Variants in TECPR2 observed in about 807,000 individuals in gnomAD.
The protein encoded by TECPR2 is tectonin beta-propeller repeat-containing protein 2.
TECPR2 carries 65 observed loss-of-function variants against 138.1 expected under a neutral mutation model. That is an observed-to-expected ratio of 0.47 (90% CI 0.39 to 0.58). TECPR2 has a LOEUF of 0.58. Among genes scored for constraint, TECPR2 ranks in the 20% least tolerant of loss-of-function variants. The pLI is 0.00. For missense variants in TECPR2, 1,553 were observed against 1,824.5 expected, an observed-to-expected ratio of 0.85 and a Z score of 2.71; for synonymous variants, 746 against 749.8, an observed-to-expected ratio of 0.99 and a Z score of 0.08.
In TECPR2 at chr14:102,376,945, G is replaced by A. The variant is rs775262586; in HGVS notation, c.219+5G>A. On this transcript the variant is annotated splice_donor_5th_base_variant and intron_variant, in intron 2 of 19. Transcript: ENST00000359520. ...ATGAGGAAGTACAACTTTGAGGTGA[G>A]CCTTGCTTTGCTTTTCACCTGAGGG... 1.2e-6 allele frequency: 2 copies of A among 1,609,308 alleles called. No homozygotes were observed. The highest frequency in any genetic ancestry group is 1.7e-6 in the Non-Finnish European group (2 of 1,178,262).
intron 2 of TECPR2, among the ~76,000 whole-genome samples, chr14:102,390,794 CAG>C (rs1336425439): frequency 7.5e-6 from 1 of 133,040 alleles, no homozygotes; most frequent in Admixed American, 7.4e-5. Flanking sequence ...CCACGTATAT[CAG>C]GGGAAGAATA....
intron 1 of TECPR2, among the ~76,000 whole-genome samples, chr14:102,364,103 A>G (rs1887276196): frequency 6.6e-6 from 1 of 152,108 alleles, no homozygotes. Flanking sequence ...TTTCTCATCT[A>G]TTGGAGTGAC....
chr14:102,440,311 C>A, intron 10 of TECPR2, 125 bp from the exon 11 acceptor site: 1 of 1,352,710 alleles, frequency 7.4e-7, no homozygotes, highest in Non-Finnish European at 1.0e-6. Flanking sequence ...TCTTTCCCCA[C>A]TTGGGGGGAC....
At chr14:102,453,801 C>T (rs1890211898) in intron 16 of TECPR2, among the ~76,000 whole-genome samples, 1 of 141,840 alleles carries the variant, frequency 7.1e-6, no homozygotes, top group South Asian at 2.2e-4. Context: ...TGTTTGAAAA[C>T]TCAATCACAT....
rs760528160 is a variant in TECPR2 at position 102,434,881 on chromosome 14, G to A, written c.2064G>A (p.Glu688=). Residue 688 remains glutamate (E), a synonymous_variant, in exon 9 of 20, where the codon GAG becomes GAA. Transcript: ENST00000359520. ...AGCAGGACATCCTAACCAGCATGGA[G>A]GCCTCTGGCCACCTCAGCACAAATC... The part of the protein sequence containing the change: ...SQEQDILTSM[E]ASGHLSTNLW... 1.4e-5 allele frequency: 22 copies of A among 1,613,564 alleles called. No homozygotes were observed. The highest frequency in any genetic ancestry group is 1.9e-5 in the Non-Finnish European group (22 of 1,180,046).
chr14:102,452,528 C>G lies in TECPR2; in HGVS notation c.3541C>G (p.Leu1181Val). 3.1e-6 allele frequency: 5 copies of G among 1,612,184 alleles called. No homozygotes were observed. Among genetic ancestry groups the G allele is most frequent in the Non-Finnish European group, 4.2e-6 (5 of 1,179,576 alleles). Residue 1181 changes from leucine to valine, a missense_variant, in exon 16 of 20, where the codon CTG becomes GTG. By Grantham distance (32) the Leu-to-Val change is conservative (BLOSUM62 1). Coordinates refer to ENST00000359520, the MANE Select transcript of TECPR2 (RefSeq NM_014844.5). ...CGCCTATGCCGCCTGCCAGGATGCG[C>G]TGTGGGCGCTGGACAGCCTCGGCCA... ...MRAYAACQDALWALDSLGQVF... is the reference protein window; with the variant it reads ...MRAYAACQDAVWALDSLGQVF...
chr14:102,380,778 A>C (rs1224264855), intron 2 of TECPR2, among the ~76,000 whole-genome samples: 1 of 152,228 alleles, frequency 6.6e-6, no homozygotes, highest in Non-Finnish European at 1.5e-5. Context: ...TCCCGGGTTC[A>C]AGCGATTCTC....
rs1891352502 is a variant in TECPR2, at chr14:102,498,415, C to CT, written c.*159dup. On this transcript the variant is annotated 3_prime_UTR_variant, in exon 20 of 20. Coordinates refer to ENST00000359520, the MANE Select transcript of TECPR2 (RefSeq NM_014844.5). ...TACTTTCATCTATGTTGGTTTCTGT[C>CT]TCGTTCCAGAACCCACAGCCTCCAC... is the stretch of plus-strand genomic sequence containing the variant. 1 of 992,202 alleles carries CT rather than the reference C, an allele frequency of 1.0e-6. No homozygotes were observed. Among genetic ancestry groups the CT allele is most frequent in the Non-Finnish European group, 1.4e-6 (1 of 694,508 alleles). 61.5% of individuals were successfully genotyped at this position (992,202 alleles called of 1,614,324 possible).
intron 2 of TECPR2, among the ~76,000 whole-genome samples, chr14:102,402,601 A>G (rs1161108974): frequency 1.3e-5 from 2 of 152,158 alleles, no homozygotes; most frequent in Non-Finnish European, 2.9e-5. Context: ...CAGTGAAACC[A>G]AAAGTTGAAT....
At chr14:102,482,409 C>A (rs1447197040) in intron 17 of TECPR2, among the ~76,000 whole-genome samples, 3 of 152,194 alleles carry the variant, frequency 2.0e-5, no homozygotes, top group Non-Finnish European at 4.4e-5. Flanking sequence ...AAACTCTCTG[C>A]CAGTTGTCTC....
At chr14:102,384,729 A>G (rs1887946686) in intron 2 of TECPR2, among the ~76,000 whole-genome samples, 1 of 149,964 alleles carries the variant, frequency 6.7e-6, no homozygotes, top group African/African-American at 2.4e-5. Context: ...ATATATACAC[A>G]TATATATGTA....
intron 2 of TECPR2, among the ~76,000 whole-genome samples, chr14:102,381,533 C>A (rs181034692): frequency 1.4e-4 from 22 of 152,332 alleles, no homozygotes; most frequent in Admixed American, 1.2e-3. Context: ...AAGATCGTGC[C>A]AGTGCACTCC....
At chr14:102,434,184 ACT>A (rs1889590203) in intron 8 of TECPR2, 49 bp from the exon 9 acceptor site, 1 of 1,326,406 alleles carries the variant, frequency 7.5e-7, no homozygotes. Flanking sequence ...TTAGTCTCTT[ACT>A]AATCATATAG....
intron 2 of TECPR2, among the ~76,000 whole-genome samples, chr14:102,377,773 C>T (rs1887680028): frequency 6.6e-6 from 1 of 152,194 alleles, no homozygotes. Flanking sequence ...ACTTTGAAAG[C>T]AGATATTTTT....
intron 16 of TECPR2, among the ~76,000 whole-genome samples, chr14:102,458,614 G>A (rs987356208): frequency 5.9e-5 from 9 of 152,034 alleles, no homozygotes; most frequent in African/African-American, 2.2e-4. Flanking sequence ...TCACCATGTT[G>A]GCCAGGCTGG....
intron 17 of TECPR2, among the ~76,000 whole-genome samples, chr14:102,494,641 A>G (rs936400365): frequency 6.6e-6 from 1 of 151,796 alleles, no homozygotes; most frequent in Non-Finnish European, 1.5e-5. Flanking sequence ...CAGCCTCAAC[A>G]TGGAGAAACC....
intron 17 of TECPR2, among the ~76,000 whole-genome samples, chr14:102,476,108 G>A (rs1890752025): frequency 6.7e-6 from 1 of 150,288 alleles, no homozygotes; most frequent in Admixed American, 6.7e-5. Flanking sequence ...TCAGGAGGCT[G>A]AGGCAGGAGA....
intron 17 of TECPR2, among the ~76,000 whole-genome samples, chr14:102,474,004 T>C (rs1336838567): frequency 6.6e-6 from 1 of 152,214 alleles, no homozygotes; most frequent in Non-Finnish European, 1.5e-5. Context: ...ATGCCTATAA[T>C]CCCAGCACTT....
At chr14:102,367,517 G>A (rs188345307) in intron 1 of TECPR2, among the ~76,000 whole-genome samples, 1 of 152,178 alleles carries the variant, frequency 6.6e-6, no homozygotes, top group East Asian at 1.9e-4. Flanking sequence ...ATGGTGTTTT[G>A]TGCCTGGTTG....
Sources: gnomAD v4.1 joint callset for allele counts (sites outside exome capture counted in the v4.1 genomes callset) on GRCh38, gnomAD v4.1.1 for gene constraint, MANE v1.5 for transcripts, NCBI Gene and HGNC (gene_info 2026-07-23, HGNC 2026-07-21) for gene names.